GLI3: variants seen among roughly 807,000 people sequenced by gnomAD.
GLI3 encodes the protein transcription activator GLI3.
GLI3 carries 20 observed loss-of-function variants against 100.8 expected under a neutral mutation model. The ratio of observed to expected loss-of-function variants is 0.20; its 90% CI spans 0.14 to 0.29. The LOEUF is 0.29. Ranked by LOEUF, GLI3 falls within the 10% of genes least tolerant of loss-of-function variation. The pLI, the probability that GLI3 is intolerant of heterozygous loss-of-function variation, is 1.00. For missense variants in GLI3, 2,040 were observed against 2,128.5 expected (o/e 0.96, Z 0.82); for synonymous variants, 938 against 860.5 (o/e 1.09, Z -1.58).
At chr7:42,212,978 G>A (rs552985434) in intron 2 of GLI3, among the ~76,000 whole-genome samples, 98 of 152,312 alleles carry the variant, frequency 6.4e-4, no homozygotes, top group African/African-American at 2.1e-3. Flanking sequence ...CTTTAAGAGA[G>A]GAAGGGATGA....
intron 10 of GLI3, 38 bp downstream of exon 10, chr7:42,023,428 CAG>C (rs1391559320): frequency 6.2e-7 from 1 of 1,611,262 alleles, no homozygotes; most frequent in Admixed American, 1.7e-5. Context: ...GAAAGTGTCA[CAG>C]AGCTGTAAAG....
At chr7:42,194,861 G>A (rs1349904901) in intron 2 of GLI3, among the ~76,000 whole-genome samples, 6 of 147,310 alleles carry the variant, frequency 4.1e-5, no homozygotes, top group Non-Finnish European at 8.9e-5. Context: ...CTGTCTCCCA[G>A]GTTCAAGCGA....
rs369674475 is a variant in GLI3, at chr7:42,026,272, T to C, written c.1169A>G (p.Gln390Arg). 3.7e-6 allele frequency: 6 copies of C among 1,613,940 alleles called. No individual in the cohort carries two copies. In the African/African-American group the frequency reaches 5.3e-5, roughly 14 times the overall value. The stretch of plus-strand genomic sequence containing the variant: ...CGTAGGGATCCCTGGAATAGGCCTC[T>C]GTGTTGGAAAAGTTGGGGCAGGGTG... ...LIHPAPTFPTQRPIPGIPTVL... is the reference protein window; with the variant it reads ...LIHPAPTFPTRRPIPGIPTVL... The change falls in exon 8 of 15, where the codon CAG becomes CGG. Residue 390 changes from glutamine to arginine, a missense_variant. Transcript: ENST00000395925.
At chr7:42,003,975 A>G (rs887574992) in intron 10 of GLI3, among the ~76,000 whole-genome samples, 1 of 152,178 alleles carries the variant, frequency 6.6e-6, no homozygotes, top group African/African-American at 2.4e-5. Context: ...CACCTGGCAC[A>G]CTCAAGGGAT....
chr7:42,142,004 T>TAC (rs1786580163), intron 3 of GLI3, among the ~76,000 whole-genome samples: 4 of 152,196 alleles, frequency 2.6e-5, no homozygotes, highest in African/African-American at 9.6e-5. Context: ...CCACAGAAAG[T>TAC]AAGTACTGCC....
intron 2 of GLI3, among the ~76,000 whole-genome samples, chr7:42,173,087 G>C (rs1170956041): frequency 6.6e-6 from 1 of 152,092 alleles, no homozygotes; most frequent in African/African-American, 2.4e-5. Context: ...CACAACGACG[G>C]GTATATTTTT....
At chr7:42,131,920 T>C (rs1293691953) in intron 3 of GLI3, among the ~76,000 whole-genome samples, 1 of 152,092 alleles carries the variant, frequency 6.6e-6, no homozygotes, top group Non-Finnish European at 1.5e-5. Flanking sequence ...AGAGTTGACA[T>C]GTCAGGATAT....
intron 1 of GLI3, among the ~76,000 whole-genome samples, chr7:42,259,686 A>T (rs140200056): frequency 6.6e-6 from 1 of 152,318 alleles, no homozygotes; most frequent in African/African-American, 2.4e-5. Context: ...GTTTGAGATC[A>T]TGTCTTTTTT....
chr7:42,259,911 A>G (rs1190958149), intron 1 of GLI3, among the ~76,000 whole-genome samples: 1 of 152,248 alleles, frequency 6.6e-6, no homozygotes, highest in Non-Finnish European at 1.5e-5. Context: ...ATTGTTGTGT[A>G]TTAAGGCAAA....
At chr7:42,077,306 A>G (rs1784899904) in intron 3 of GLI3, among the ~76,000 whole-genome samples, 1 of 152,254 alleles carries the variant, frequency 6.6e-6, no homozygotes, top group South Asian at 2.1e-4. Flanking sequence ...CATGCTCACC[A>G]TACTTTTAAG....
Position 42,136,277 on chromosome 7 carries a change from C to T in GLI3, c.367+11949G>A, listed in dbSNP as rs550032062. ...AACAGGAGCACCATGAGAAGGACAA[C>T]GTTTTATAAGACAGCTAGAAAAGGA... On this transcript the variant is annotated intron_variant, in intron 3 of 14. Coordinates refer to ENST00000395925, the MANE Select transcript of GLI3 (RefSeq NM_000168.6). Among the ~76,000 whole-genome samples, 6 of 152,284 alleles carry T rather than the reference C, an allele frequency of 3.9e-5. No individual in the cohort carries two copies. In the South Asian group the frequency reaches 8.3e-4, roughly 21 times the overall value.
At chr7:42,177,432 G>C (rs973225998) in intron 2 of GLI3, among the ~76,000 whole-genome samples, 1 of 152,178 alleles carries the variant, frequency 6.6e-6, no homozygotes, top group Non-Finnish European at 1.5e-5. Flanking sequence ...AAATGAAGCA[G>C]AGTCCACAAT....
chr7:42,127,790 T>C (rs1387173325), intron 3 of GLI3, among the ~76,000 whole-genome samples: 3 of 152,124 alleles, frequency 2.0e-5, no homozygotes, highest in African/African-American at 7.2e-5. Context: ...AGCAGATTGC[T>C]TGAGCTCAGG....
intron 13 of GLI3, among the ~76,000 whole-genome samples, chr7:41,970,228 A>G (rs2128708792): frequency 6.6e-6 from 1 of 152,332 alleles, no homozygotes; most frequent in African/African-American, 2.4e-5. Context: ...ATGTTGCATT[A>G]ATAAGAAAAA....
At position 41,965,779 on chromosome 7, in the gene GLI3, C is replaced by G. The variant is rs745669536; in HGVS notation, c.3294G>C (p.Gln1098His). ...CTGCTTGGTTCTGGGAATTTAAATA[C>G]TGCACCACGTCGTCCGGCAGGAAAT... ...DEDFLPDDVV[Q>H]YLNSQNQAGY... The change falls in exon 15 of 15, where the codon CAG (glutamine) becomes CAC (histidine). Residue 1098 changes from glutamine (Q) to histidine (H), a missense_variant. Physicochemically the swap from Gln to His is conservative, Grantham distance 24. Coordinates refer to ENST00000395925, the MANE Select transcript of GLI3 (RefSeq NM_000168.6). The G allele has an allele frequency of 3.1e-6, 5 of 1,613,484 alleles. No individual in the cohort carries two copies. The highest frequency in any genetic ancestry group is 4.2e-6 in the Non-Finnish European group (5 of 1,179,970).
At chr7:42,258,857 A>G (rs1442791258) in intron 1 of GLI3, among the ~76,000 whole-genome samples, 2 of 152,166 alleles carry the variant, frequency 1.3e-5, no homozygotes, top group Non-Finnish European at 2.9e-5. Flanking sequence ...TCAACATATG[A>G]ATTTTGGGGG....
upstream of GLI3, among the ~76,000 whole-genome samples, chr7:42,238,814 A>G (rs1277931947): frequency 1.3e-5 from 2 of 152,102 alleles, no homozygotes; most frequent in African/African-American, 4.8e-5. Context: ...ACATTCCAAC[A>G]TCCCCTCTTT....
intron 2 of GLI3, among the ~76,000 whole-genome samples, chr7:42,166,181 G>A (rs1242703768): frequency 6.6e-6 from 1 of 152,128 alleles, no homozygotes; most frequent in Non-Finnish European, 1.5e-5. Flanking sequence ...TCCACCCAAT[G>A]TCTACCAGAG....
chr7:42,230,104 G>C (rs879493483), intron 1 of GLI3, among the ~76,000 whole-genome samples: 8 of 119,636 alleles, frequency 6.7e-5, no homozygotes, highest in African/African-American at 1.4e-4. Flanking sequence ...TGGGCGGGGG[G>C]GGGGGGGGTG....
Sources: allele counts gnomAD v4.1 joint callset (sites outside exome capture counted in the v4.1 genomes callset), GRCh38; gene constraint gnomAD v4.1.1; transcripts MANE v1.5; gene names NCBI Gene and HGNC (gene_info 2026-07-23, HGNC 2026-07-21).